PIK3AP1: variants seen among roughly 807,000 people sequenced by gnomAD.
PIK3AP1 encodes the protein phosphoinositide-3-kinase adaptor protein 1.
In PIK3AP1, 21 loss-of-function variants were observed where a neutral mutation model predicts 88.1. The ratio of observed to expected loss-of-function variants is 0.24; its 90% CI spans 0.17 to 0.34. The LOEUF is 0.34. PIK3AP1 is among the 10% of genes least tolerant of loss of function. The probability of loss-of-function intolerance (pLI) is 1.00; values close to 1 mark genes in which losing one functional copy is unlikely to be tolerated. For synonymous variants in PIK3AP1, 398 were observed against 400.0 expected, an observed-to-expected ratio of 1.00 and a Z score of 0.06; for missense variants, 828 against 1,035.7, an observed-to-expected ratio of 0.80 and a Z score of 2.75.
chr10:96,697,906 TA>T (rs747480223), intron 2 of PIK3AP1, among the ~76,000 whole-genome samples: 6 of 152,254 alleles, frequency 3.9e-5, no homozygotes, highest in Non-Finnish European at 8.8e-5. Flanking sequence ...TATTTCTTTT[TA>T]AAACATACCT....
At chr10:96,642,500 GA>G (rs1015350921) in intron 8 of PIK3AP1, among the ~76,000 whole-genome samples, 1 of 149,822 alleles carries the variant, frequency 6.7e-6, no homozygotes, top group African/African-American at 2.5e-5. Context: ...TAGAAAGAAA[GA>G]AAAAAAGGAA....
intron 2 of PIK3AP1, among the ~76,000 whole-genome samples, chr10:96,701,591 C>T (rs576223098): frequency 8.5e-5 from 13 of 152,240 alleles, no homozygotes; most frequent in African/African-American, 2.9e-4. Context: ...ATTCTCCATA[C>T]GACTATCCTT....
At chr10:96,624,256 T>C (rs1843125432) in intron 10 of PIK3AP1, among the ~76,000 whole-genome samples, 1 of 152,240 alleles carries the variant, frequency 6.6e-6, no homozygotes, top group South Asian at 2.1e-4. Flanking sequence ...GAACAGTGTG[T>C]GGCCCATGTA....
rs141744227 is a variant in PIK3AP1, at chr10:96,638,424, G to T, written c.1375+7049C>A. Among the ~76,000 whole-genome samples the T allele has an allele frequency of 5.3e-3, 801 of 151,394 alleles. 8 individuals carry two copies. Among genetic ancestry groups the T allele is most frequent in the African/African-American group, 0.019 (773 of 41,184 alleles). On this transcript the variant is annotated intron_variant, in intron 8 of 16. Coordinates refer to ENST00000339364, the MANE Select transcript of PIK3AP1 (RefSeq NM_152309.3). ...ACCCAGTCCATGGTGTTCTGTTATG[G>T]CAACAGAAAACGGACTAAGACACAC...
At chr10:96,641,188 A>G (rs1843384555) in intron 8 of PIK3AP1, among the ~76,000 whole-genome samples, 1 of 151,900 alleles carries the variant, frequency 6.6e-6, no homozygotes, top group Non-Finnish European at 1.5e-5. Context: ...GCAGAATTGT[A>G]CAATCTCAGG....
In PIK3AP1 at chr10:96,644,755, T is replaced by A. The variant is rs570062598; in HGVS notation, c.1375+718A>T. On this transcript the variant is annotated intron_variant, in intron 8 of 16. Transcript: ENST00000339364. ...CCCCCAAAAAATCTGCTTATTATTT[T>A]CTGAGCCTAGAACCTAAACTGTTTC... Among the ~76,000 whole-genome samples, 4 of 152,374 alleles carry A rather than the reference T, an allele frequency of 2.6e-5. No homozygotes were observed. In the South Asian group the frequency reaches 8.3e-4, roughly 32 times the overall value.
At chr10:96,629,187 A>G (rs1340175746) in intron 8 of PIK3AP1, among the ~76,000 whole-genome samples, 1 of 152,122 alleles carries the variant, frequency 6.6e-6, no homozygotes, top group Non-Finnish European at 1.5e-5. Flanking sequence ...TGAGTGAAAA[A>G]GTTACAGACA....
At position 96,651,568 on chromosome 10, in the gene PIK3AP1, T is replaced by G. The variant is rs371873967; in HGVS notation, c.796A>C (p.Met266Leu). 6.2e-7 allele frequency: 1 copy of G among 1,614,074 alleles called. No individual in the cohort carries two copies. The highest frequency in any genetic ancestry group is 1.3e-5 in the African/African-American group (1 of 74,928). Residue 266 changes from methionine (M) to leucine (L), a missense_variant, in exon 5 of 17, where the codon ATG becomes CTG. By Grantham distance (15) the Met-to-Leu change is conservative. Coordinates refer to ENST00000339364, the MANE Select transcript of PIK3AP1 (RefSeq NM_152309.3). ...GACAATAAATTCCCAATTTCTTCCA[T>G]GTCAGTATAATAGCTGATAACGGTT... Reference protein sequence around the residue: ...CETVISYYTDMEEIGNLLSNA... With the variant: ...CETVISYYTDLEEIGNLLSNA...
At chr10:96,688,317 G>T (rs1844102747) in intron 2 of PIK3AP1, among the ~76,000 whole-genome samples, 1 of 152,108 alleles carries the variant, frequency 6.6e-6, no homozygotes, top group African/African-American at 2.4e-5. Context: ...GAATCAAAGG[G>T]CGAGGATAAG....
rs557232573 is a variant in PIK3AP1, at chr10:96,646,278, T to C, written c.1186-616A>G. 5.3e-5 allele frequency among the ~76,000 whole-genome samples: 8 copies of C among 152,060 alleles called. No homozygotes were observed. The East Asian group carries it at 1.4e-3, about 26-fold the overall frequency. ...CTGTCTAAAAAAAAAAAAAATACTT[T>C]CCCGTGAGCACCTTTTAAATGTCAG... On this transcript the variant is annotated intron_variant, in intron 7 of 16. Transcript: ENST00000339364.
chr10:96,659,781 C>T (rs1843661693), intron 2 of PIK3AP1, among the ~76,000 whole-genome samples: 1 of 150,200 alleles, frequency 6.7e-6, no homozygotes, highest in Non-Finnish European at 1.5e-5. Flanking sequence ...AAAAACCTGA[C>T]TAAATCAATA....
Position 96,626,746 on chromosome 10 carries a change from G to A in PIK3AP1, c.1631C>T (p.Ala544Val), listed in dbSNP as rs1216758960. ...VPRPETTAPGAHQLPDNEPYI... is the reference protein window; with the variant it reads ...VPRPETTAPGVHQLPDNEPYI... Reference sequence around the variant, plus strand: ...TGGTTCGTTGTCAGGCAGCTGGTGAGCACCAGGAGCAGTGGTCTCTGGTCT... The same window carrying A: ...TGGTTCGTTGTCAGGCAGCTGGTGAACACCAGGAGCAGTGGTCTCTGGTCT... The change falls in exon 10 of 17, where the codon GCT becomes GTT. Residue 544 changes from alanine to valine, a missense_variant. Coordinates refer to ENST00000339364, the MANE Select transcript of PIK3AP1 (RefSeq NM_152309.3). The A allele has an allele frequency of 1.9e-6, 3 of 1,614,222 alleles. No individual in the cohort carries two copies. The highest frequency in any genetic ancestry group is 2.2e-5 in the East Asian group (1 of 44,882).
At chr10:96,596,410 G>C (rs1013777131) in intron 16 of PIK3AP1, among the ~76,000 whole-genome samples, 2 of 152,136 alleles carry the variant, frequency 1.3e-5, no homozygotes, top group African/African-American at 4.8e-5. Context: ...CCCTGTTTTG[G>C]GATCTGTGAG....
intron 2 of PIK3AP1, among the ~76,000 whole-genome samples, chr10:96,685,516 A>G (rs183436805): frequency 3.6e-4 from 55 of 152,354 alleles, no homozygotes; most frequent in Non-Finnish European, 6.9e-4. Flanking sequence ...TGGCAAGGAA[A>G]GAGGGGAGAT....
At chr10:96,709,524 G>C in intron 2 of PIK3AP1, 43 bp downstream of exon 2, 1 of 1,554,878 alleles carries the variant, frequency 6.4e-7, no homozygotes, top group Non-Finnish European at 8.7e-7. Context: ...ACCTGGATTA[G>C]CAACTTTTCT....
At chr10:96,676,654 GT>G (rs35544369) in intron 2 of PIK3AP1, among the ~76,000 whole-genome samples, 70,033 of 132,936 alleles carry the variant, frequency 0.53, 19,232 homozygotes, top group African/African-American at 0.8. Context: ...ATTTTCTGGG[GT>G]TTTTTTTTTT....
chr10:96,637,551 T>C (rs1843329609), intron 8 of PIK3AP1, among the ~76,000 whole-genome samples: 2 of 152,180 alleles, frequency 1.3e-5, no homozygotes, highest in South Asian at 4.2e-4. Context: ...GTTTTCGCCA[T>C]GTTGCCCAGG....
intron 2 of PIK3AP1, among the ~76,000 whole-genome samples, chr10:96,666,491 G>A (rs927488879): frequency 1.3e-5 from 2 of 151,870 alleles, no homozygotes; most frequent in Non-Finnish European, 2.9e-5. Context: ...TTAATTAGTC[G>A]ACACTAAAGC....
chr10:96,623,636 T>A, intron 10 of PIK3AP1, 99 bp from the exon 11 acceptor site: 1 of 1,041,278 alleles, frequency 9.6e-7, no homozygotes, highest in African/African-American at 1.6e-5. Flanking sequence ...CGTATGTGGT[T>A]CTGTAAATCA....
Sources: allele counts gnomAD v4.1 joint callset (sites outside exome capture counted in the v4.1 genomes callset), GRCh38; gene constraint gnomAD v4.1.1; transcripts MANE v1.5; gene names NCBI Gene and HGNC (gene_info 2026-07-23, HGNC 2026-07-21).